Variants in NAALADL2 observed in about 807,000 individuals in gnomAD.
NAALADL2 encodes inactive N-acetylated-alpha-linked acidic dipeptidase-like protein 2.
Under a neutral mutation model 87.2 loss-of-function variants are expected in NAALADL2, and 76 were observed. That is an observed-to-expected ratio of 0.87 (90% CI 0.72 to 1.05). NAALADL2 has a LOEUF of 1.05. Among genes scored for constraint, NAALADL2 ranks in the 50% least tolerant of loss-of-function variants. The pLI is 0.00. For synonymous variants in NAALADL2, 354 were observed against 331.0 expected (o/e 1.07, Z -0.75); for missense variants, 1,089 against 945.8 (o/e 1.15, Z -1.99).
At chr3:174,816,413 C>T (rs2902075) in intron 3 of NAALADL2, among the ~76,000 whole-genome samples, 82 of 148,536 alleles carry the variant, frequency 5.5e-4, no homozygotes, top group Admixed American at 7.4e-4. Flanking sequence ...TATGTGTGTG[C>T]GTGTGTGTGT....
intron 2 of NAALADL2, among the ~76,000 whole-genome samples, chr3:175,197,912 A>G (rs1739255934): frequency 6.6e-6 from 1 of 152,084 alleles, no homozygotes; most frequent in Non-Finnish European, 1.5e-5. Flanking sequence ...AACACAGTGC[A>G]GAACAGTACT....
intron 1 of NAALADL2, among the ~76,000 whole-genome samples, chr3:174,902,445 G>A (rs1468854183): frequency 2.0e-5 from 3 of 152,020 alleles, no homozygotes; most frequent in South Asian, 2.1e-4. Flanking sequence ...AAGAAAGGGG[G>A]GTGGGGTTTA....
intron 13 of NAALADL2, among the ~76,000 whole-genome samples, chr3:175,802,409 G>A (rs1420983838): frequency 2.6e-5 from 4 of 151,828 alleles, no homozygotes; most frequent in African/African-American, 7.3e-5. Context: ...AAGGAGGAGT[G>A]CTACTGATAT....
At chr3:174,572,046 G>T (rs911652450) in intron 2 of NAALADL2, among the ~76,000 whole-genome samples, 1 of 152,088 alleles carries the variant, frequency 6.6e-6, no homozygotes, top group Non-Finnish European at 1.5e-5. Flanking sequence ...AACCGGACAA[G>T]GAAAATATTA....
intron 11 of NAALADL2, among the ~76,000 whole-genome samples, chr3:175,693,129 C>CTAT (rs1317203505): frequency 1.3e-5 from 2 of 152,146 alleles, no homozygotes; most frequent in African/African-American, 2.4e-5. Context: ...ATGTACAGTG[C>CTAT]TATTTTTCCC....
At chr3:175,241,112 A>G (rs138567122) in intron 3 of NAALADL2, among the ~76,000 whole-genome samples, 12 of 152,306 alleles carry the variant, frequency 7.9e-5, no homozygotes, top group African/African-American at 2.9e-4. Context: ...TTAAATCTGC[A>G]TACAGTCCCT....
chr3:175,216,668 C>T (rs59562549), intron 2 of NAALADL2, among the ~76,000 whole-genome samples: 111 of 87,258 alleles, frequency 1.3e-3, no homozygotes, highest in Admixed American at 1.5e-3. Flanking sequence ...TTTTTCTTTT[C>T]TTTTTTTTTT....
At chr3:174,651,666 GA>G (rs1303992324) in intron 2 of NAALADL2, among the ~76,000 whole-genome samples, 1 of 152,136 alleles carries the variant, frequency 6.6e-6, no homozygotes, top group Non-Finnish European at 1.5e-5. Flanking sequence ...CTCAGACTGA[GA>G]TATTTTTTCT....
intron 1 of NAALADL2, among the ~76,000 whole-genome samples, chr3:174,547,026 C>G (rs1722816176): frequency 1.3e-5 from 2 of 151,968 alleles, no homozygotes; most frequent in Non-Finnish European, 2.9e-5. Flanking sequence ...GAAATTAACT[C>G]TTTATTTTCA....
rs559433245 is a variant in NAALADL2, at chr3:175,002,211, A to C, written c.44-94579A>C. On this transcript the variant is annotated intron_variant, in intron 1 of 13. Coordinates refer to ENST00000454872, the MANE Select transcript of NAALADL2 (RefSeq NM_207015.3). ...AGATATTGTTGAAAAGGTCACAAAG[A>C]CTTGCAGATACCCCTATGGGTAACA... Among the ~76,000 whole-genome samples the C allele has an allele frequency of 5.9e-5, 9 of 152,266 alleles. No homozygotes were observed. The South Asian group carries it at 1.9e-3, about 32-fold the overall frequency.
chr3:175,674,104 G>A (rs765444424), intron 11 of NAALADL2, among the ~76,000 whole-genome samples: 2 of 151,840 alleles, frequency 1.3e-5, no homozygotes, highest in African/African-American at 4.8e-5. Context: ...TCCCTGCTTC[G>A]TAAGGTGTTA....
chr3:175,222,364 A>T (rs920238406), intron 2 of NAALADL2, among the ~76,000 whole-genome samples: 1 of 152,194 alleles, frequency 6.6e-6, no homozygotes, highest in Non-Finnish European at 1.5e-5. Flanking sequence ...AGTAGGTGGT[A>T]TGAATCTAGG....
chr3:175,341,794 G>T (rs1265479694), intron 5 of NAALADL2, among the ~76,000 whole-genome samples: 2 of 151,976 alleles, frequency 1.3e-5, no homozygotes, highest in Non-Finnish European at 2.9e-5. Flanking sequence ...TTCCTTCTAA[G>T]AGTTTTGTAG....
chr3:175,120,572 A>T (rs566825240), intron 2 of NAALADL2, among the ~76,000 whole-genome samples: 2 of 151,870 alleles, frequency 1.3e-5, no homozygotes, highest in South Asian at 2.1e-4. Flanking sequence ...AGATAATGAA[A>T]TTGCATTGGT....
At chr3:175,547,973 T>C (rs1443727571) in intron 9 of NAALADL2, among the ~76,000 whole-genome samples, 1 of 151,886 alleles carries the variant, frequency 6.6e-6, no homozygotes, top group African/African-American at 2.4e-5. Flanking sequence ...TCAGTTCAAC[T>C]ATTGTAGAAG....
intron 3 of NAALADL2, among the ~76,000 whole-genome samples, chr3:175,256,122 A>C (rs1178777235): frequency 6.6e-6 from 1 of 152,220 alleles, no homozygotes; most frequent in Non-Finnish European, 1.5e-5. Context: ...TGAATGTAGA[A>C]TATCCCAAAT....
chr3:175,568,306 T>C (rs188547157), intron 9 of NAALADL2, among the ~76,000 whole-genome samples: 20 of 152,174 alleles, frequency 1.3e-4, no homozygotes, highest in Non-Finnish European at 4.4e-5. Flanking sequence ...CATTTTGGCA[T>C]AAAAATACAA....
At chr3:175,172,933 G>T (rs1015589088) in intron 2 of NAALADL2, among the ~76,000 whole-genome samples, 1 of 152,030 alleles carries the variant, frequency 6.6e-6, no homozygotes, top group Non-Finnish European at 1.5e-5. Context: ...TCAAGCAAAG[G>T]AATAAAAGTA....
At chr3:175,722,281 T>A (rs1334013235) in intron 11 of NAALADL2, among the ~76,000 whole-genome samples, 1 of 152,130 alleles carries the variant, frequency 6.6e-6, no homozygotes, top group Non-Finnish European at 1.5e-5. Context: ...TTGGGAATTA[T>A]AAATGTATAT....
Sources: gnomAD v4.1 joint callset for allele counts (sites outside exome capture counted in the v4.1 genomes callset) on GRCh38, gnomAD v4.1.1 for gene constraint, MANE v1.5 for transcripts, NCBI Gene and HGNC (gene_info 2026-07-23, HGNC 2026-07-21) for gene names.